UBE2E2: variants seen among roughly 807,000 people sequenced by gnomAD.
UBE2E2 encodes ubiquitin-conjugating enzyme E2 E2.
Under a neutral mutation model 24.7 loss-of-function variants are expected in UBE2E2, and 6 were observed. The ratio of observed to expected loss-of-function variants is 0.24; its 90% CI spans 0.13 to 0.48. UBE2E2 has a LOEUF of 0.48. Ranked by LOEUF, UBE2E2 falls within the 20% of genes least tolerant of loss-of-function variation. The probability of loss-of-function intolerance (pLI) is 0.99; values close to 1 mark genes in which losing one functional copy is unlikely to be tolerated. For synonymous variants in UBE2E2, 104 were observed against 83.6 expected (o/e 1.24, Z -1.33); for missense variants, 169 against 245.0 (o/e 0.69, Z 2.07).
rs1299008705 is a variant in UBE2E2 at position 23,474,559 on chromosome 3, A to G, written c.228-25049A>G. Among the ~76,000 whole-genome samples, 1 of 152,248 alleles carries G rather than the reference A, an allele frequency of 6.6e-6. No homozygotes were observed. The highest frequency in any genetic ancestry group is 2.4e-5 in the African/African-American group (1 of 41,474). On this transcript the variant is annotated intron_variant, in intron 3 of 5. Transcript: ENST00000396703. This position sits in a 1 kb window ranked among gnomAD's most constrained non-coding sequence, Gnocchi z 4.0. Reference sequence around the variant, plus strand: ...TTGAAGGGGGCTTTGGTGATATCTAATCCACCTTCCTCATCTTCATAAATT... The same window carrying G: ...TTGAAGGGGGCTTTGGTGATATCTAGTCCACCTTCCTCATCTTCATAAATT...
In UBE2E2 at chr3:23,307,592, T is replaced by C. The variant is rs371041979; in HGVS notation, c.227+90280T>C. On this transcript the variant is annotated intron_variant, in intron 3 of 5. Coordinates refer to ENST00000396703, the MANE Select transcript of UBE2E2 (RefSeq NM_152653.4). Reference sequence around the variant, plus strand: ...TTAAATGAAAGCATCTAGACAGTAATTGAAACCATGAGTTGAGTTCAGCAA... The same window carrying C: ...TTAAATGAAAGCATCTAGACAGTAACTGAAACCATGAGTTGAGTTCAGCAA... Among the ~76,000 whole-genome samples the C allele has an allele frequency of 9.2e-5, 14 of 152,278 alleles. No homozygotes were observed. In the South Asian group the frequency reaches 2.9e-3, roughly 32 times the overall value.
At chr3:23,531,921 G>A (rs1245292884) in intron 4 of UBE2E2, among the ~76,000 whole-genome samples, 1 of 152,028 alleles carries the variant, frequency 6.6e-6, no homozygotes, top group Non-Finnish European at 1.5e-5. Flanking sequence ...AATTAGCTGG[G>A]TGTGGTGGCG....
chr3:23,487,002 C>T (rs1371268577), intron 3 of UBE2E2, among the ~76,000 whole-genome samples: 3 of 152,228 alleles, frequency 2.0e-5, no homozygotes, highest in African/African-American at 7.2e-5. Context: ...CCACCATCAA[C>T]ATGCTATCTG....
chr3:23,388,319 T>C lies in UBE2E2; in HGVS notation c.228-111289T>C, dbSNP rs1262104479. Among the ~76,000 whole-genome samples, 4 of 152,220 alleles carry C rather than the reference T, an allele frequency of 2.6e-5. No individual in the cohort carries two copies. The East Asian group carries it at 5.8e-4, about 22-fold the overall frequency. The stretch of plus-strand genomic sequence containing the variant: ...CACCTTTTGCAGGTGGAATTCTCAC[T>C]GCTGGTTTGCCTTAAAATATTGGCA... On this transcript the variant is annotated intron_variant, in intron 3 of 5. Transcript: ENST00000396703.
intron 5 of UBE2E2, among the ~76,000 whole-genome samples, chr3:23,539,981 A>G (rs1695352392): frequency 6.6e-6 from 1 of 152,204 alleles, no homozygotes; most frequent in African/African-American, 2.4e-5. Context: ...AATGGTTATT[A>G]TAAGTCCCAG....
chr3:23,584,411 C>G (rs946236382), intron 5 of UBE2E2, among the ~76,000 whole-genome samples: 1 of 151,996 alleles, frequency 6.6e-6, no homozygotes, highest in Non-Finnish European at 1.5e-5. Flanking sequence ...GACTATAAAC[C>G]CTTTGGCTTC....
chr3:23,459,123 G>A (rs1698753232), intron 3 of UBE2E2, among the ~76,000 whole-genome samples: 1 of 152,126 alleles, frequency 6.6e-6, no homozygotes, highest in Admixed American at 6.5e-5. Context: ...CAGATCTTCT[G>A]TGGTCACAAA....
chr3:23,229,284 ATTTAT>A (rs1185681292), intron 3 of UBE2E2, among the ~76,000 whole-genome samples: 1 of 152,064 alleles, frequency 6.6e-6, no homozygotes, highest in Non-Finnish European at 1.5e-5. Flanking sequence ...TAGTTTTATT[ATTTAT>A]TTTAAGTTTT....
At chr3:23,516,769 A>G (rs1037520663) in intron 4 of UBE2E2, among the ~76,000 whole-genome samples, 5 of 152,148 alleles carry the variant, frequency 3.3e-5, no homozygotes, top group Admixed American at 3.3e-4. Context: ...TAAACTAATG[A>G]TACAGGTTTT....
intron 5 of UBE2E2, among the ~76,000 whole-genome samples, chr3:23,578,600 A>T (rs1378972145): frequency 1.3e-5 from 2 of 152,222 alleles, no homozygotes; most frequent in African/African-American, 4.8e-5. Context: ...GTGCAGCCAT[A>T]AAAAGGAACA....
At chr3:23,269,334 A>G (rs576963006) in intron 3 of UBE2E2, among the ~76,000 whole-genome samples, 22 of 152,224 alleles carry the variant, frequency 1.4e-4, no homozygotes, top group East Asian at 1.9e-4. Flanking sequence ...AGAATCTACA[A>G]TGAACTCAAA....
chr3:23,529,048 T>C (rs1695062989), intron 4 of UBE2E2, among the ~76,000 whole-genome samples: 3 of 152,326 alleles, frequency 2.0e-5, no homozygotes, highest in African/African-American at 4.8e-5. Context: ...CCAATTTCAA[T>C]TGGTTACCTA....
At chr3:23,364,569 AC>A in intron 3 of UBE2E2, among the ~76,000 whole-genome samples, 1 of 152,182 alleles carries the variant, frequency 6.6e-6, no homozygotes, top group Non-Finnish European at 1.5e-5. Context: ...CCAAGATTGA[AC>A]CAGGAAGAAG....
chr3:23,506,210 C>T (rs868829055), intron 4 of UBE2E2, among the ~76,000 whole-genome samples: 6 of 152,166 alleles, frequency 3.9e-5, no homozygotes, highest in Non-Finnish European at 5.9e-5. Context: ...AACCTGAGTT[C>T]GTGCATTCAT....
chr3:23,280,553 G>A lies in UBE2E2; in HGVS notation c.227+63241G>A, dbSNP rs554850269. On this transcript the variant is annotated intron_variant, in intron 3 of 5. Transcript: ENST00000396703. The surrounding 1 kb of genome is among the most constrained non-coding windows in gnomAD (Gnocchi z 4.3). ...GCTGGCAGTTGACAGTGTTGAGGTT[G>A]TCCTTTACTTGGGAAGCCTGTTGAC... Among the ~76,000 whole-genome samples the A allele has an allele frequency of 2.0e-5, 3 of 152,296 alleles. No homozygotes were observed. In the South Asian group the frequency reaches 6.2e-4, roughly 32 times the overall value.
At chr3:23,450,623 TTTAG>T (rs1575638392) in intron 3 of UBE2E2, among the ~76,000 whole-genome samples, 4 of 152,190 alleles carry the variant, frequency 2.6e-5, no homozygotes, top group African/African-American at 9.7e-5. Flanking sequence ...CTTATGTAGT[TTTAG>T]TTACCTTATG....
chr3:23,506,025 T>G (rs1489856528), intron 4 of UBE2E2, among the ~76,000 whole-genome samples: 1 of 152,182 alleles, frequency 6.6e-6, no homozygotes, highest in Admixed American at 6.5e-5. Flanking sequence ...ATTATTATTA[T>G]GTACTTGTTT....
chr3:23,310,921 A>T (rs1258039960), intron 3 of UBE2E2, among the ~76,000 whole-genome samples: 1 of 152,086 alleles, frequency 6.6e-6, no homozygotes, highest in African/African-American at 2.4e-5. Context: ...GGTTTGTTAC[A>T]TATGTATACA....
At chr3:23,346,751 T>A (rs1695569100) in intron 3 of UBE2E2, among the ~76,000 whole-genome samples, 1 of 152,224 alleles carries the variant, frequency 6.6e-6, no homozygotes, top group Non-Finnish European at 1.5e-5. Flanking sequence ...ACTTTTCTAC[T>A]CATTATAGAG....
Sources: gnomAD v4.1 joint callset for allele counts (sites outside exome capture counted in the v4.1 genomes callset) on GRCh38, gnomAD v4.1.1 for gene constraint, Gnocchi (gnomAD v3.1) non-coding constraint, MANE v1.5 for transcripts, NCBI Gene and HGNC (gene_info 2026-07-23, HGNC 2026-07-21) for gene names.